Variants in CDIP1 observed in about 807,000 individuals in gnomAD.
The protein encoded by CDIP1 is cell death inducing p53 target 1, also known as cell death-inducing p53-target protein 1.
CDIP1 carries 9 observed loss-of-function variants against 17.7 expected under a neutral mutation model. The ratio of observed to expected loss-of-function variants is 0.51; its 90% CI spans 0.31 to 0.89. The LOEUF (loss-of-function observed/expected upper bound fraction) is 0.89. CDIP1 is among the 40% of genes least tolerant of loss of function. The probability of loss-of-function intolerance (pLI) is 0.05; values close to 1 mark genes in which losing one functional copy is unlikely to be tolerated. For missense variants in CDIP1, 263 were observed against 277.9 expected (o/e 0.95, Z 0.38); for synonymous variants, 117 against 109.5 (o/e 1.07, Z -0.43).
chr16:4,517,911 G>A (rs935525926), intron 1 of CDIP1, among the ~76,000 whole-genome samples: 4 of 152,110 alleles, frequency 2.6e-5, no homozygotes, highest in Non-Finnish European at 4.4e-5. Flanking sequence ...GCTCCAATAC[G>A]TTGAGTTGGA....
At chr16:4,525,600 G>A (rs1293244905) in intron 1 of CDIP1, among the ~76,000 whole-genome samples, 1 of 152,208 alleles carries the variant, frequency 6.6e-6, no homozygotes, top group Non-Finnish European at 1.5e-5. Flanking sequence ...AGCCACCCAA[G>A]TCCATGTGGG....
intron 1 of CDIP1, among the ~76,000 whole-genome samples, chr16:4,529,799 A>G (rs1596495249): frequency 1.3e-5 from 2 of 152,220 alleles, no homozygotes; most frequent in East Asian, 3.8e-4. Context: ...TGCAACCTAC[A>G]AAAAAGCACC....
intron 1 of CDIP1, among the ~76,000 whole-genome samples, chr16:4,524,647 T>C (rs981969665): frequency 2.0e-5 from 3 of 152,214 alleles, no homozygotes; most frequent in Admixed American, 6.5e-5. Context: ...TGCTTCACCA[T>C]GAGGGCCTTG....
chr16:4,536,709 A>G (rs2059109865), intron 1 of CDIP1: 1 of 149,292 alleles, frequency 6.7e-6, no homozygotes, highest in Admixed American at 6.8e-5. Context: ...GGGTGAGGCA[A>G]GAGGATCACT....
At chr16:4,529,739 G>GT (rs2059035966) in intron 1 of CDIP1, among the ~76,000 whole-genome samples, 1 of 152,204 alleles carries the variant, frequency 6.6e-6, no homozygotes, top group Non-Finnish European at 1.5e-5. Context: ...ACAGTCTTGG[G>GT]TTGACTCTAT....
chr16:4,530,768 G>C (rs2059048306), intron 1 of CDIP1, among the ~76,000 whole-genome samples: 1 of 152,096 alleles, frequency 6.6e-6, no homozygotes, highest in African/African-American at 2.4e-5. Flanking sequence ...TTGAGACCAG[G>C]AGTTCAAAGC....
intron 1 of CDIP1, among the ~76,000 whole-genome samples, chr16:4,529,284 G>A (rs984289071): frequency 6.6e-6 from 1 of 152,198 alleles, no homozygotes; most frequent in African/African-American, 2.4e-5. Flanking sequence ...GACCCCGCCA[G>A]GAGACCCAGC....
intron 1 of CDIP1, among the ~76,000 whole-genome samples, chr16:4,531,722 C>T (rs750202956): frequency 2.0e-5 from 3 of 152,260 alleles, no homozygotes; most frequent in Non-Finnish European, 4.4e-5. Flanking sequence ...CTCTCTCCTT[C>T]CACATCACTG....
intron 1 of CDIP1, among the ~76,000 whole-genome samples, chr16:4,517,725 TGCGAGACCC>T (rs2058902485): frequency 6.8e-6 from 1 of 147,366 alleles, no homozygotes; most frequent in East Asian, 2.0e-4. Context: ...TGGGCAACAG[TGCGAGACCC>T]TGTCTCAAAA....
chr16:4,522,748 A>T (rs765633505), intron 1 of CDIP1, among the ~76,000 whole-genome samples: 6 of 152,216 alleles, frequency 3.9e-5, no homozygotes, highest in Non-Finnish European at 5.9e-5. Context: ...GGCCTCAGGG[A>T]AGATGCTCTC....
intron 1 of CDIP1, among the ~76,000 whole-genome samples, chr16:4,530,344 C>T (rs960595438): frequency 1.3e-5 from 2 of 152,206 alleles, no homozygotes; most frequent in Non-Finnish European, 2.9e-5. Flanking sequence ...GTAGTTTACA[C>T]TGCATTATAT....
rs1188142213 is a variant in CDIP1, at chr16:4,514,299, G to A, written c.-14-155C>T. ...CTGGGGATCCCCCACCTTTCCCAGG[G>A]CCACCTAGCCCAGAGCCACCATCCT... On this transcript the variant is annotated intron_variant, in intron 2 of 5. Transcript: ENST00000567695. The surrounding 1 kb of genome is among the most constrained non-coding windows in gnomAD (Gnocchi z 5.2). 1.4e-5 allele frequency: 8 copies of A among 556,738 alleles called. No homozygotes were observed. Among genetic ancestry groups the A allele is most frequent in the South Asian group, 5.1e-5 (2 of 38,968 alleles). The allele number at this position is 556,738 out of a possible 1,614,324, so 34.5% of individuals were successfully genotyped here. A position where few individuals can be genotyped will look rare whatever the true frequency, so the allele number is the denominator to read the frequency against.
At chr16:4,529,539 A>T (rs528803984) in intron 1 of CDIP1, among the ~76,000 whole-genome samples, 1 of 152,330 alleles carries the variant, frequency 6.6e-6, no homozygotes, top group East Asian at 1.9e-4. Context: ...AAAAGGAAAA[A>T]ATCAGACACA....
intron 1 of CDIP1, among the ~76,000 whole-genome samples, chr16:4,528,296 C>T (rs907688414): frequency 2.3e-4 from 35 of 152,234 alleles, no homozygotes; most frequent in African/African-American, 7.9e-4. Context: ...CCAGGCAGGT[C>T]TCGAACTCCT....
At chr16:4,529,401 C>A (rs373400376) in intron 1 of CDIP1, among the ~76,000 whole-genome samples, 4 of 152,210 alleles carry the variant, frequency 2.6e-5, no homozygotes, top group Non-Finnish European at 5.9e-5. Context: ...CCTCCCAACT[C>A]GCCCAGTGAT....
At chr16:4,528,454 C>A (rs1186284950) in intron 1 of CDIP1, among the ~76,000 whole-genome samples, 1 of 152,076 alleles carries the variant, frequency 6.6e-6, no homozygotes, top group South Asian at 2.1e-4. Flanking sequence ...CATACAGAAA[C>A]GTTCTACTGA....
chr16:4,521,953 T>C (rs989573539), intron 1 of CDIP1, among the ~76,000 whole-genome samples: 1 of 152,226 alleles, frequency 6.6e-6, no homozygotes, highest in Admixed American at 6.5e-5. Flanking sequence ...GCTATTATTA[T>C]GCTTTATTAG....
chr16:4,513,206 C>T lies in CDIP1; in HGVS notation c.242-142G>A. 1 of 861,470 alleles carries T rather than the reference C, an allele frequency of 1.2e-6. No homozygotes were observed. Among genetic ancestry groups the T allele is most frequent in the Non-Finnish European group, 1.7e-6 (1 of 576,242 alleles). The allele number at this position is 861,470 out of a possible 1,614,324, so 53.4% of individuals were successfully genotyped here. Reference sequence around the variant, plus strand: ...GACCTCCTACCGCCCTCCTAACGGGCCAGTGGGAGGCCTTACAGCTGGGGC... The same window carrying T: ...GACCTCCTACCGCCCTCCTAACGGGTCAGTGGGAGGCCTTACAGCTGGGGC... On this transcript the variant is annotated intron_variant, in intron 4 of 5. Transcript: ENST00000567695. The surrounding 1 kb of genome is among the most constrained non-coding windows in gnomAD (Gnocchi z 4.1).
chr16:4,534,788 G>C (rs1486340780), intron 1 of CDIP1, among the ~76,000 whole-genome samples: 1 of 148,924 alleles, frequency 6.7e-6, no homozygotes, highest in Non-Finnish European at 1.5e-5. Flanking sequence ...GTACAATCTC[G>C]ACTCACTGCA....
Sources: allele counts gnomAD v4.1 joint callset (sites outside exome capture counted in the v4.1 genomes callset), GRCh38; gene constraint gnomAD v4.1.1; non-coding constraint Gnocchi (gnomAD v3.1); transcripts MANE v1.5; gene names NCBI Gene and HGNC (gene_info 2026-07-23, HGNC 2026-07-21).